The following IL1RAPL1 variants were observed in gnomAD, a reference collection of about 807,000 sequenced individuals.
IL1RAPL1 encodes interleukin 1 receptor accessory protein like 1, also known as interleukin-1 receptor accessory protein-like 1.
Under a neutral mutation model 48.4 loss-of-function variants are expected in IL1RAPL1, and 3 were observed. The observed-to-expected ratio is 0.06, with a 90% CI of 0.03 to 0.16. The LOEUF is 0.16. Ranked by LOEUF, IL1RAPL1 falls within the 10% of genes least tolerant of loss-of-function variation. IL1RAPL1 has a pLI of 1.00. For synonymous variants in IL1RAPL1, 185 were observed against 187.7 expected, an observed-to-expected ratio of 0.99 and a Z score of 0.12; for missense variants, 349 against 530.6, an observed-to-expected ratio of 0.66 and a Z score of 3.36.
chrX:29,693,745 G>C (rs1456870197), intron 6 of IL1RAPL1, among the ~76,000 whole-genome samples: 1 of 111,638 alleles, frequency 9.0e-6, no homozygotes, highest in Admixed American at 9.5e-5. Context: ...GATAATTGCA[G>C]TCATGTACCT....
intron 1 of IL1RAPL1, among the ~76,000 whole-genome samples, chrX:28,754,226 C>A (rs963187405): frequency 9.0e-6 from 1 of 111,534 alleles, no homozygotes; most frequent in South Asian, 3.7e-4. Context: ...CCAATTCTTA[C>A]AATTTCTTAA....
intron 2 of IL1RAPL1, among the ~76,000 whole-genome samples, chrX:29,145,733 ATC>A (rs200919696): frequency 5.5e-3 from 620 of 111,743 alleles, no homozygotes; most frequent in Non-Finnish European, 8.5e-3. Context: ...TTCTTTTCCC[ATC>A]TCAGTTAATT....
At chrX:29,127,979 T>A (rs902867487) in intron 2 of IL1RAPL1, among the ~76,000 whole-genome samples, 3 of 98,530 alleles carry the variant, frequency 3.0e-5, no homozygotes, top group Non-Finnish European at 4.3e-5. Flanking sequence ...AAAAAAAAAA[T>A]ATTAACATGG....
At chrX:29,235,086 C>T (rs1931266511) in intron 2 of IL1RAPL1, among the ~76,000 whole-genome samples, 1 of 111,690 alleles carries the variant, frequency 9.0e-6, no homozygotes, top group South Asian at 3.8e-4. Context: ...CAAGTTTCTT[C>T]CCGGTCTCAG....
chrX:28,787,033 C>G (rs1024119198), intron 1 of IL1RAPL1, among the ~76,000 whole-genome samples: 1 of 111,854 alleles, frequency 8.9e-6, no homozygotes, highest in African/African-American at 3.2e-5. Flanking sequence ...CTGTGAAATT[C>G]TATGGATTTC....
At chrX:29,244,782 C>T (rs1193624281) in intron 2 of IL1RAPL1, among the ~76,000 whole-genome samples, 1 of 111,896 alleles carries the variant, frequency 8.9e-6, no homozygotes, top group East Asian at 2.8e-4. Context: ...TTCCTCAAAC[C>T]ACTAGAACTT....
At chrX:29,683,672 C>G (rs753206336) in intron 6 of IL1RAPL1, among the ~76,000 whole-genome samples, 5 of 112,057 alleles carry the variant, frequency 4.5e-5, no homozygotes, top group Non-Finnish European at 7.5e-5. Context: ...GCACAACATG[C>G]AATACTCCCT....
intron 2 of IL1RAPL1, among the ~76,000 whole-genome samples, chrX:29,019,648 G>A (rs1926318619): frequency 1.8e-5 from 2 of 111,831 alleles, no homozygotes; most frequent in East Asian, 2.8e-4. Flanking sequence ...TTTAAGGTCT[G>A]TATAACATCC....
intron 5 of IL1RAPL1, among the ~76,000 whole-genome samples, chrX:29,511,898 T>G (rs1935396780): frequency 2.7e-5 from 3 of 110,984 alleles, no homozygotes; most frequent in Non-Finnish European, 5.7e-5. Context: ...TTAACATATT[T>G]TAGAGTCCCT....
intron 2 of IL1RAPL1, among the ~76,000 whole-genome samples, chrX:28,918,708 G>T (rs1056473092): frequency 8.9e-6 from 1 of 111,737 alleles, no homozygotes; most frequent in African/African-American, 3.3e-5. Context: ...TGCTAAATAG[G>T]TGTTTGGTGT....
intron 5 of IL1RAPL1, among the ~76,000 whole-genome samples, chrX:29,443,914 C>T (rs1399523391): frequency 8.9e-6 from 1 of 112,089 alleles, no homozygotes; most frequent in Non-Finnish European, 1.9e-5. Flanking sequence ...TACAGAAGTA[C>T]CTTTTATGTC....
At chrX:29,649,357 G>A (rs1226953161) in intron 5 of IL1RAPL1, among the ~76,000 whole-genome samples, 1 of 111,196 alleles carries the variant, frequency 9.0e-6, no homozygotes, top group Non-Finnish European at 1.9e-5. Context: ...CAACAAAATA[G>A]GAGAAAACCA....
intron 1 of IL1RAPL1, among the ~76,000 whole-genome samples, chrX:28,619,431 C>A (rs1040156786): frequency 6.5e-5 from 7 of 108,361 alleles, no homozygotes; most frequent in Non-Finnish European, 1.3e-4. Flanking sequence ...CCCATCTCTA[C>A]AAAAACAAAC....
intron 5 of IL1RAPL1, among the ~76,000 whole-genome samples, chrX:29,538,138 A>C (rs1921297991): frequency 9.2e-6 from 1 of 109,137 alleles, no homozygotes; most frequent in Non-Finnish European, 1.9e-5. Flanking sequence ...CCATACTTTA[A>C]TATCACTTTA....
At chrX:29,415,069 A>G (rs922563627) in intron 5 of IL1RAPL1, among the ~76,000 whole-genome samples, 1 of 112,085 alleles carries the variant, frequency 8.9e-6, no homozygotes, top group Non-Finnish European at 1.9e-5. Flanking sequence ...CATAATAAGG[A>G]TCTAGAATCT....
rs914043486 is a variant in IL1RAPL1, at chrX:29,287,687, G to A, written c.362+4470G>A. ...CTAATGATTAAAATTTTCATGTGTT[G>A]ATTTGCCATCTCTCTTCTTGTCAGT... On this transcript the variant is annotated intron_variant, in intron 3 of 10. Transcript: ENST00000378993. Among the ~76,000 whole-genome samples, 3 of 111,920 alleles carry A rather than the reference G, an allele frequency of 2.7e-5. 1 individual carries two copies. The Admixed American group carries it at 2.8e-4, about 11-fold the overall frequency.
intron 2 of IL1RAPL1, 151 bp downstream of exon 2, chrX:28,789,576 C>G (rs1936512022): frequency 2.1e-6 from 1 of 478,699 alleles, no homozygotes; most frequent in East Asian, 3.8e-5. Flanking sequence ...AGGTGGAGCA[C>G]ACTCATAGGG....
chrX:29,291,473 G>A (rs1346544646), intron 3 of IL1RAPL1, among the ~76,000 whole-genome samples: 2 of 110,901 alleles, frequency 1.8e-5, no homozygotes, highest in African/African-American at 6.6e-5. Context: ...TGTTACATAG[G>A]TATACATGTG....
chrX:29,461,610 C>T (rs1250520839), intron 5 of IL1RAPL1, among the ~76,000 whole-genome samples: 3 of 110,890 alleles, frequency 2.7e-5, no homozygotes, highest in African/African-American at 6.6e-5. Context: ...GTAAACTCTC[C>T]GAATGTCCAT....
Sources: allele counts gnomAD v4.1 joint callset (sites outside exome capture counted in the v4.1 genomes callset), GRCh38; gene constraint gnomAD v4.1.1; transcripts MANE v1.5; gene names NCBI Gene and HGNC (gene_info 2026-07-23, HGNC 2026-07-21).